The following TRUB2 variants were observed in gnomAD, a reference collection of about 807,000 sequenced individuals.
TRUB2 encodes pseudouridylate synthase TRUB2, mitochondrial.
Under a neutral mutation model 31.9 loss-of-function variants are expected in TRUB2, and 31 were observed. That is an observed-to-expected ratio of 0.97 (90% CI 0.73 to 1.31). TRUB2 has a LOEUF of 1.31. TRUB2 is among the 50% of genes most tolerant of loss of function. The pLI is 0.00. For synonymous variants in TRUB2, 201 were observed against 182.6 expected, an observed-to-expected ratio of 1.10 and a Z score of -0.81; for missense variants, 451 against 439.6, an observed-to-expected ratio of 1.03 and a Z score of -0.23.
At chr9:128,311,981 G>A (rs936985293) in intron 5 of TRUB2, among the ~76,000 whole-genome samples, 9 of 150,004 alleles carry the variant, frequency 6.0e-5, no homozygotes, top group Non-Finnish European at 1.0e-4. Flanking sequence ...GACTACAGGC[G>A]CCCACCACCA....
rs376329657 is a variant in TRUB2, at chr9:128,315,644, C to T, written c.317-16G>A. The T allele has an allele frequency of 6.2e-6, 10 of 1,611,716 alleles. No homozygotes were observed. Among genetic ancestry groups the T allele is most frequent in the Middle Eastern group, 1.7e-4 (1 of 6,034 alleles). ...ACGCCGAGCACTGAAAAGCAGCCAG[C>T]GTCATCTCACACCTGGGACCCCCTT... On this transcript the variant is annotated splice_polypyrimidine_tract_variant and intron_variant, in intron 3 of 7. Transcript: ENST00000372890.
intron 5 of TRUB2, 64 bp from the exon 6 acceptor site, chr9:128,311,665 T>C (rs1340286051): frequency 3.6e-5 from 56 of 1,559,806 alleles, no homozygotes; most frequent in Non-Finnish European, 4.8e-5. Flanking sequence ...AGCAAACTCC[T>C]TCCCCCCAGG....
Position 128,309,840 on chromosome 9 carries a change from G to A in TRUB2, c.706C>T (p.Arg236Trp), listed in dbSNP as rs758941031. ...AGGCCGATTTCATGAACCAACTTCC[G>A]CAGCTCTTTCTGCGTCTCATGCATG... ...QCMHETQKELRKLVHEIGLEL... is the reference protein window; with the variant it reads ...QCMHETQKELWKLVHEIGLEL... The change falls in exon 8 of 8, where the codon CGG becomes TGG. Residue 236 changes from arginine (R) to tryptophan (W), a missense_variant. By Grantham distance (101) the Arg-to-Trp change is moderately radical. Coordinates refer to ENST00000372890, the MANE Select transcript of TRUB2 (RefSeq NM_015679.3). 14 of 1,614,044 alleles carry A rather than the reference G, an allele frequency of 8.7e-6. No individual in the cohort carries two copies. In the East Asian group the frequency reaches 1.1e-4, roughly 13 times the overall value.
chr9:128,310,655 G>A (rs892071307), intron 7 of TRUB2, among the ~76,000 whole-genome samples: 3 of 152,068 alleles, frequency 2.0e-5, no homozygotes, highest in Non-Finnish European at 2.9e-5. Flanking sequence ...GCTTCCAAGG[G>A]TGACTTGGCA....
chr9:128,306,067 G>A lies in TRUB2; in HGVS notation c.*3483C>T, dbSNP rs1032430224. The A allele has an allele frequency of 5.3e-5, 8 of 152,120 alleles. No individual in the cohort carries two copies. The highest frequency in any genetic ancestry group is 1.9e-4 in the African/African-American group (8 of 41,430). The allele number at this position is 152,120 out of a possible 1,614,324, so 9.4% of individuals were successfully genotyped here. Reference sequence around the variant, plus strand: ...CACATTTGGTACATTTTTAACAATCGTTGATTGTTCAACTCCATCCGTCTC... The same window carrying A: ...CACATTTGGTACATTTTTAACAATCATTGATTGTTCAACTCCATCCGTCTC... On this transcript the variant is annotated 3_prime_UTR_variant, in exon 8 of 8. Transcript: ENST00000372890.
intron 2 of TRUB2, among the ~76,000 whole-genome samples, chr9:128,319,701 C>T (rs1034443285): frequency 6.7e-6 from 1 of 150,044 alleles, no homozygotes; most frequent in Non-Finnish European, 1.5e-5. Flanking sequence ...TGCAGTGGCA[C>T]GATCATGGCT....
In TRUB2 at chr9:128,309,948, C is replaced by A. The variant is rs569620729; in HGVS notation, c.671-73G>T. ...TAGTGTGTGGTTGTGAACGCACACC[C>A]CTTGGATACCTCCTAGGTGTGTAAC... On this transcript the variant is annotated intron_variant, in intron 7 of 7. Transcript: ENST00000372890. 10 of 1,479,322 alleles carry A rather than the reference C, an allele frequency of 6.8e-6. 1 individual carries two copies. In the Middle Eastern group the frequency reaches 8.7e-4, roughly 129 times the overall value. The allele number at this position is 1,479,322 out of a possible 1,614,324, so 91.6% of individuals were successfully genotyped here. A position where few individuals can be genotyped will look rare whatever the true frequency, so the allele number is the denominator to read the frequency against.
At chr9:128,316,037 G>A (rs774491689) in intron 3 of TRUB2, 33 of 210,140 alleles carry the variant, frequency 1.6e-4, no homozygotes, top group African/African-American at 6.7e-4. Context: ...AAGGCCAGGC[G>A]CAGTGGCTCA....
At chr9:128,318,948 G>A (rs113702374) in intron 2 of TRUB2, among the ~76,000 whole-genome samples, 8,800 of 152,078 alleles carry the variant, frequency 0.058, 338 homozygotes, top group Middle Eastern at 0.14. Context: ...TTGAGACGCC[G>A]AGGCAGGCAG....
intron 2 of TRUB2, among the ~76,000 whole-genome samples, chr9:128,318,392 AC>A (rs1313784169): frequency 6.6e-6 from 1 of 151,882 alleles, no homozygotes; most frequent in East Asian, 1.9e-4. Flanking sequence ...GAAACCCAAA[AC>A]CCCTACCTTA....
At chr9:128,315,912 C>A in intron 3 of TRUB2, 1 of 463,278 alleles carries the variant, frequency 2.2e-6, no homozygotes, top group South Asian at 2.3e-5. Context: ...AGGAAGAGAT[C>A]CCTGGCCTAG....
At position 128,321,691 on chromosome 9, in the gene TRUB2, A is replaced by ACACG; in HGVS notation, c.145_148dup (p.Val50AlafsTer92). On this transcript the variant is annotated frameshift_variant, in exon 2 of 8. Coordinates refer to ENST00000372890, the MANE Select transcript of TRUB2 (RefSeq NM_015679.3). LOFTEE classifies it high-confidence loss of function. ...TTCCATGGGGCCCAGCAAGAAGCGAACACGCTGTTTAGGAGCGGGAGGCTT... is the reference window on the plus strand; with the variant it reads ...TTCCATGGGGCCCAGCAAGAAGCGAACACGCACGCTGTTTAGGAGCGGGAGGCTT... 6.2e-7 allele frequency: 1 copy of ACACG among 1,613,888 alleles called. No individual in the cohort carries two copies. Among genetic ancestry groups the ACACG allele is most frequent in the Non-Finnish European group, 8.5e-7 (1 of 1,180,030 alleles).
Position 128,308,928 on chromosome 9 carries a change from T to C in TRUB2, c.*622A>G, listed in dbSNP as rs1440286643. ...CAACAAAAATCATCTCATTTTCATC[T>C]GTGTCTTCCAGTATTAAAGAGGTTG... On this transcript the variant is annotated 3_prime_UTR_variant, in exon 8 of 8. Transcript: ENST00000372890. 1.3e-5 allele frequency: 2 copies of C among 152,088 alleles called. No homozygotes were observed. Among genetic ancestry groups the C allele is most frequent in the Non-Finnish European group, 2.9e-5 (2 of 68,046 alleles). 9.4% of individuals were successfully genotyped at this position (152,088 alleles called of 1,614,324 possible).
chr9:128,321,365 T>C (rs1832170855), intron 2 of TRUB2, among the ~76,000 whole-genome samples: 1 of 152,222 alleles, frequency 6.6e-6, no homozygotes, highest in African/African-American at 2.4e-5. Context: ...TGTCTATAGC[T>C]GTTTGGCACT....
chr9:128,310,979 G>A lies in TRUB2; in HGVS notation c.578C>T (p.Ala193Val). The A allele has an allele frequency of 1.2e-6, 2 of 1,614,244 alleles. No individual in the cohort carries two copies. Among genetic ancestry groups the A allele is most frequent in the South Asian group, 2.2e-5 (2 of 91,088 alleles). ...DLKTQEAYEM[A>V]VRGLIRPMNK... ...CATGGGCCGGATCAGGCCTCTCACG[G>A]CCATCTCATAGGCCTCCTGGGTCTT... The change falls in exon 7 of 8, where the codon GCC (alanine) becomes GTC (valine). Residue 193 changes from alanine (A) to valine (V), a missense_variant. By Grantham distance (64) the Ala-to-Val change is moderately conservative (BLOSUM62 0). Transcript: ENST00000372890.
At chr9:128,313,572 G>A (rs534343731) in intron 5 of TRUB2, among the ~76,000 whole-genome samples, 2 of 152,042 alleles carry the variant, frequency 1.3e-5, no homozygotes, top group East Asian at 1.9e-4. Context: ...AAAGGAAAAG[G>A]TCAAAGACTG....
rs1831899715 is a variant in TRUB2 at position 128,308,240 on chromosome 9, A to G, written c.*1310T>C. 1 of 151,462 alleles carries G rather than the reference A, an allele frequency of 6.6e-6. No homozygotes were observed. Among genetic ancestry groups the G allele is most frequent in the Admixed American group, 6.6e-5 (1 of 15,200 alleles). 9.4% of individuals were successfully genotyped at this position (151,462 alleles called of 1,614,324 possible). On this transcript the variant is annotated 3_prime_UTR_variant, in exon 8 of 8. Coordinates refer to ENST00000372890, the MANE Select transcript of TRUB2 (RefSeq NM_015679.3). The stretch of plus-strand genomic sequence containing the variant: ...GTGAGACTCCGTCTCAGAAAAAAAA[A>G]AAACCAAAACAGGCCGGGTGTGGTG...
At chr9:128,315,141 TCA>T (rs1832045016) in intron 4 of TRUB2, among the ~76,000 whole-genome samples, 1 of 152,184 alleles carries the variant, frequency 6.6e-6, no homozygotes, top group South Asian at 2.1e-4. Flanking sequence ...CATCTACCTC[TCA>T]GTCTTGGGAC....
chr9:128,316,391 T>A (rs1832069175), intron 3 of TRUB2: 1 of 150,950 alleles, frequency 6.6e-6, no homozygotes, highest in Admixed American at 6.6e-5. Context: ...AGACTCTGTC[T>A]CAGGAAAAAA....
Sources: gnomAD v4.1 joint callset for allele counts (sites outside exome capture counted in the v4.1 genomes callset) on GRCh38, gnomAD v4.1.1 for gene constraint, MANE v1.5 for transcripts, NCBI Gene and HGNC (gene_info 2026-07-23, HGNC 2026-07-21) for gene names.